CD2AP: variants seen among roughly 807,000 people sequenced by gnomAD.
CD2AP encodes the protein CD2-associated protein.
In CD2AP, 46 loss-of-function variants were observed where a neutral mutation model predicts 85.1. The observed-to-expected ratio is 0.54, with a 90% CI of 0.43 to 0.69. CD2AP has a LOEUF of 0.69. CD2AP is among the 30% of genes least tolerant of loss of function. CD2AP has a pLI of 0.00. For synonymous variants in CD2AP, 255 were observed against 252.9 expected (o/e 1.01, Z -0.08); for missense variants, 769 against 729.5 (o/e 1.05, Z -0.62).
intron 16 of CD2AP, among the ~76,000 whole-genome samples, chr6:47,611,556 TATAA>T (rs1018057308): frequency 3.3e-5 from 5 of 151,944 alleles, no homozygotes; most frequent in African/African-American, 4.8e-5. Flanking sequence ...TGAAACATTA[TATAA>T]ATAATTTTAA....
chr6:47,491,085 A>C (rs1765718101), intron 1 of CD2AP, among the ~76,000 whole-genome samples: 1 of 152,114 alleles, frequency 6.6e-6, no homozygotes, highest in African/African-American at 2.4e-5. Flanking sequence ...AAATAATGAA[A>C]TGTTATTAGT....
chr6:47,574,215 A>T lies in CD2AP; in HGVS notation c.693A>T (p.Thr231=). The change falls in exon 6 of 18, where the codon ACA becomes ACT. Residue 231 remains threonine (T), a synonymous_variant. Coordinates refer to ENST00000359314, the MANE Select transcript of CD2AP (RefSeq NM_012120.3). ...KEGSVKLRTR[T]SSSETEEKKP... ...GCTCTGTGAAACTTCGGACAAGAAC[A>T]TCCAGTAGTGAAACAGAAGAGAAAA... 1 of 1,614,100 alleles carries T rather than the reference A, an allele frequency of 6.2e-7. No homozygotes were observed. The highest frequency in any genetic ancestry group is 8.5e-7 in the Non-Finnish European group (1 of 1,179,974).
At chr6:47,556,261 C>A (rs146508614) in intron 5 of CD2AP, among the ~76,000 whole-genome samples, 1,617 of 149,606 alleles carry the variant, frequency 0.011, 26 homozygotes, top group African/African-American at 0.035. Context: ...TGTTCCCCTC[C>A]CTGTGCCCAT....
chr6:47,588,933 A>G (rs904616299), intron 11 of CD2AP, among the ~76,000 whole-genome samples: 5 of 152,144 alleles, frequency 3.3e-5, no homozygotes, highest in African/African-American at 1.2e-4. Flanking sequence ...AATACTATTT[A>G]CTGATTGTCT....
rs560930115 is a variant in CD2AP, at chr6:47,478,190, C to CAGG, written c.-55_-54insAGG. The CAGG allele has an allele frequency of 2.8e-3, 3,955 of 1,429,984 alleles. 23 individuals carry two copies. Among genetic ancestry groups the CAGG allele is most frequent in the South Asian group, 0.011 (847 of 78,832 alleles). 88.6% of individuals were successfully genotyped at this position (1,429,984 alleles called of 1,614,324 possible). A position where few individuals can be genotyped will look rare whatever the true frequency, so the allele number is the denominator to read the frequency against. On this transcript the variant is annotated 5_prime_UTR_variant, in exon 1 of 18. Transcript: ENST00000359314. ...GCGGGAGCGGCCGCGCGAGCCACCA[C>CAGG]TGGAGGAGGAGGAGGAGGAGCGGAC... is the stretch of plus-strand genomic sequence containing the variant.
intron 2 of CD2AP, among the ~76,000 whole-genome samples, chr6:47,529,151 T>C (rs2114018549): frequency 6.7e-6 from 1 of 149,328 alleles, no homozygotes; most frequent in South Asian, 2.1e-4. Context: ...GGGCACATTC[T>C]GCTCTCACCT....
At position 47,582,009 on chromosome 6, in the gene CD2AP, A is replaced by T; in HGVS notation, c.1052A>T (p.Lys351Met). 1 of 1,604,236 alleles carries T rather than the reference A, an allele frequency of 6.2e-7. No homozygotes were observed. Among genetic ancestry groups the T allele is most frequent in the East Asian group, 2.2e-5 (1 of 44,712 alleles). The change falls in exon 11 of 18, where the codon AAG becomes ATG. Residue 351 changes from lysine to methionine, a missense_variant. Transcript: ENST00000359314. ...PPPPAKAPAP[K>M]PELIAAEKKY... ...TTAATGTTTTTTCCCATAGCTCCAA[A>T]GCCTGAACTGATAGCTGCAGAGAAG...
At chr6:47,560,369 T>A (rs987037420) in intron 5 of CD2AP, among the ~76,000 whole-genome samples, 8 of 152,194 alleles carry the variant, frequency 5.3e-5, no homozygotes, top group Non-Finnish European at 7.4e-5. Flanking sequence ...ACCTTTTTTT[T>A]ATTATTCCAG....
At chr6:47,568,482 C>T (rs2114087527) in intron 5 of CD2AP, among the ~76,000 whole-genome samples, 1 of 152,266 alleles carries the variant, frequency 6.6e-6, no homozygotes, top group South Asian at 2.1e-4. Context: ...TGGCTTATGC[C>T]TGTAATCCCA....
At chr6:47,566,203 T>A (rs1767988599) in intron 5 of CD2AP, among the ~76,000 whole-genome samples, 1 of 151,230 alleles carries the variant, frequency 6.6e-6, no homozygotes, top group African/African-American at 2.4e-5. Flanking sequence ...GTCCCCATTA[T>A]CCACTTTTTA....
At chr6:47,512,370 T>C (rs1221230658) in intron 2 of CD2AP, among the ~76,000 whole-genome samples, 1 of 152,122 alleles carries the variant, frequency 6.6e-6, no homozygotes, top group Admixed American at 6.6e-5. Flanking sequence ...AAGGTGCATG[T>C]TATTTTGTAA....
At chr6:47,508,629 T>C (rs1226680904) in intron 2 of CD2AP, among the ~76,000 whole-genome samples, 12 of 143,940 alleles carry the variant, frequency 8.3e-5, no homozygotes, top group African/African-American at 2.8e-4. Context: ...CACTGCAACC[T>C]CTGCCTCCCA....
chr6:47,529,414 T>C (rs939751874), intron 2 of CD2AP, among the ~76,000 whole-genome samples: 7 of 152,134 alleles, frequency 4.6e-5, no homozygotes, highest in Admixed American at 2.0e-4. Flanking sequence ...TGAGGTTCAT[T>C]GGTGTATCTA....
intron 3 of CD2AP, among the ~76,000 whole-genome samples, chr6:47,535,398 G>T (rs892761936): frequency 1.3e-5 from 2 of 152,108 alleles, no homozygotes; most frequent in African/African-American, 4.8e-5. Context: ...GTAATTGTAA[G>T]GCTATTAATA....
At position 47,584,680 on chromosome 6, in the gene CD2AP, CT is replaced by C. The variant is rs1342319448; in HGVS notation, c.1108+2622del. Among the ~76,000 whole-genome samples, 7 of 151,674 alleles carry C rather than the reference CT, an allele frequency of 4.6e-5. No individual in the cohort carries two copies. The South Asian group carries it at 1.2e-3, about 27-fold the overall frequency. ...TTCAAAATGGAAGTTTTTTTATATT[CT>C]TTTTTTATACTTAAGAATTTTAAAA... On this transcript the variant is annotated intron_variant, in intron 11 of 17. Transcript: ENST00000359314.
At chr6:47,550,398 TAGAC>T (rs1767483321) in intron 4 of CD2AP, among the ~76,000 whole-genome samples, 1 of 152,044 alleles carries the variant, frequency 6.6e-6, no homozygotes, top group Admixed American at 6.6e-5. Context: ...AAAGACCTAA[TAGAC>T]AGTTCTCAAA....
intron 1 of CD2AP, among the ~76,000 whole-genome samples, chr6:47,487,829 G>A (rs911413456): frequency 6.6e-6 from 1 of 152,090 alleles, no homozygotes; most frequent in African/African-American, 2.4e-5. Context: ...TTTAACACTT[G>A]TATTGACTAG....
At chr6:47,489,595 A>G (rs1048044194) in intron 1 of CD2AP, among the ~76,000 whole-genome samples, 1 of 152,182 alleles carries the variant, frequency 6.6e-6, no homozygotes, top group Non-Finnish European at 1.5e-5. Flanking sequence ...CTTAGTTACT[A>G]GCATTTAGGG....
intron 9 of CD2AP, among the ~76,000 whole-genome samples, chr6:47,580,542 A>G (rs1768447930): frequency 6.6e-6 from 1 of 152,108 alleles, no homozygotes; most frequent in Non-Finnish European, 1.5e-5. Context: ...GAGGGGTAAA[A>G]TGGTACTTAG....
Sources: gnomAD v4.1 joint callset for allele counts (sites outside exome capture counted in the v4.1 genomes callset) on GRCh38, gnomAD v4.1.1 for gene constraint, MANE v1.5 for transcripts, NCBI Gene and HGNC (gene_info 2026-07-23, HGNC 2026-07-21) for gene names.